EXTL3: variants seen among roughly 807,000 people sequenced by gnomAD.
The protein encoded by EXTL3 is exostosin like glycosyltransferase 3, also known as exostosin-like 3.
EXTL3 carries 27 observed loss-of-function variants against 69.3 expected under a neutral mutation model. The ratio of observed to expected loss-of-function variants is 0.39; its 90% CI spans 0.29 to 0.54. EXTL3 has a LOEUF of 0.54. Ranked by LOEUF, EXTL3 falls within the 20% of genes least tolerant of loss-of-function variation. The probability of loss-of-function intolerance (pLI) is 0.69; values close to 1 mark genes in which losing one functional copy is unlikely to be tolerated. For synonymous variants in EXTL3, 511 were observed against 499.4 expected (o/e 1.02, Z -0.31); for missense variants, 1,003 against 1,231.8 (o/e 0.81, Z 2.78).
chr8:28,725,735 T>C (rs1348268791), intron 3 of EXTL3, among the ~76,000 whole-genome samples: 7 of 152,206 alleles, frequency 4.6e-5, no homozygotes, highest in Non-Finnish European at 8.8e-5. Flanking sequence ...TCATAAGGCA[T>C]CTAATAGCAA....
rs575065620 is a variant in EXTL3, at chr8:28,679,834, A to G, written c.-52-33623A>G. Among the ~76,000 whole-genome samples, 14 of 152,310 alleles carry G rather than the reference A, an allele frequency of 9.2e-5. No homozygotes were observed. In the East Asian group the frequency reaches 2.3e-3, roughly 25 times the overall value. ...TGCCAGGAAAATAATACTGCCCTGA[A>G]TTAGGATACTTGTCTCACTATTCAA... On this transcript the variant is annotated intron_variant, in intron 1 of 6. Transcript: ENST00000523149.
chr8:28,726,705 A>G (rs751469107), intron 3 of EXTL3, among the ~76,000 whole-genome samples: 2 of 151,942 alleles, frequency 1.3e-5, no homozygotes, highest in Non-Finnish European at 2.9e-5. Flanking sequence ...GTGACAACCA[A>G]AAATCCCTTC....
chr8:28,639,670 C>T (rs1245947365), intron 1 of EXTL3, among the ~76,000 whole-genome samples: 2 of 152,218 alleles, frequency 1.3e-5, no homozygotes, highest in Non-Finnish European at 2.9e-5. Context: ...TGAGTCCCTC[C>T]TGACAGCTGC....
intron 1 of EXTL3, among the ~76,000 whole-genome samples, chr8:28,631,167 A>G (rs1328271967): frequency 1.3e-5 from 2 of 149,150 alleles, no homozygotes. Flanking sequence ...CTGGAGCTAA[A>G]TCAAGGAAGG....
chr8:28,728,281 C>T (rs1801456123), intron 3 of EXTL3, among the ~76,000 whole-genome samples: 1 of 152,366 alleles, frequency 6.6e-6, no homozygotes, highest in East Asian at 1.9e-4. Context: ...TTGCCACCCT[C>T]CCGCCCTTTG....
chr8:28,713,773 ATAT>A (rs1801079007), intron 2 of EXTL3, among the ~76,000 whole-genome samples: 2 of 152,152 alleles, frequency 1.3e-5, no homozygotes, highest in South Asian at 2.1e-4. Context: ...CCTTTTAGTA[ATAT>A]TATCATCAAC....
upstream of EXTL3, among the ~76,000 whole-genome samples, chr8:28,619,328 C>T (rs1439789153): frequency 7.7e-6 from 1 of 129,974 alleles, no homozygotes; most frequent in Admixed American, 8.3e-5. Flanking sequence ...CTGTGTGAGC[C>T]CTGGACGCTC....
intron 1 of EXTL3, among the ~76,000 whole-genome samples, chr8:28,663,001 G>A (rs73232994): frequency 3.9e-5 from 6 of 152,084 alleles, no homozygotes; most frequent in East Asian, 1.9e-4. Flanking sequence ...TTGTATTACC[G>A]TACTATCAGT....
intron 6 of EXTL3, among the ~76,000 whole-genome samples, chr8:28,749,501 T>C (rs1261669480): frequency 6.6e-6 from 1 of 152,206 alleles, no homozygotes; most frequent in Non-Finnish European, 1.5e-5. Flanking sequence ...CTCCCCTCCA[T>C]GGAGCCAGTG....
In EXTL3 at chr8:28,716,571, C is replaced by G. The variant is rs749286787; in HGVS notation, c.512C>G (p.Pro171Arg). 6.2e-7 allele frequency: 1 copy of G among 1,614,096 alleles called. No individual in the cohort carries two copies. The highest frequency in any genetic ancestry group is 8.5e-7 in the Non-Finnish European group (1 of 1,180,040). Residue 171 changes from proline to arginine, a missense_variant, in exon 3 of 7, where the codon CCG becomes CGG. Transcript: ENST00000220562. The surrounding 1 kb of genome is among the most constrained non-coding windows in gnomAD (Gnocchi z 7.1). Reference sequence around the variant, plus strand: ...AAGGACGATGCCGGCCTCCCTCCCCCGAAGGCCACTCGGGGCTGCCGGCTA... The same window carrying G: ...AAGGACGATGCCGGCCTCCCTCCCCGGAAGGCCACTCGGGGCTGCCGGCTA... Reference protein sequence around the residue: ...PEKDDAGLPPPKATRGCRLHN... With the variant: ...PEKDDAGLPPRKATRGCRLHN...
At chr8:28,722,629 T>C (rs542672185) in intron 3 of EXTL3, among the ~76,000 whole-genome samples, 67 of 151,578 alleles carry the variant, frequency 4.4e-4, no homozygotes, top group African/African-American at 1.4e-3. Flanking sequence ...ATAGAAAAAA[T>C]TAGCCAGGCA....
At chr8:28,635,624 T>C (rs917226185) in intron 1 of EXTL3, among the ~76,000 whole-genome samples, 1 of 148,684 alleles carries the variant, frequency 6.7e-6, no homozygotes, top group Admixed American at 6.7e-5. Flanking sequence ...GGCAGGAGAA[T>C]GGTGTGAACC....
chr8:28,613,898 C>A (rs532043459), intron 2 of EXTL3, among the ~76,000 whole-genome samples: 2 of 151,598 alleles, frequency 1.3e-5, no homozygotes, highest in East Asian at 1.9e-4. Flanking sequence ...TAGCTCACTG[C>A]GGCCTTGACC....
intron 1 of EXTL3, among the ~76,000 whole-genome samples, chr8:28,669,347 C>A (rs893214279): frequency 6.6e-6 from 1 of 152,234 alleles, no homozygotes; most frequent in Non-Finnish European, 1.5e-5. Context: ...CAGCAGTTAC[C>A]TACATCAGTA....
At chr8:28,723,473 A>G (rs1236795500) in intron 3 of EXTL3, among the ~76,000 whole-genome samples, 1 of 152,212 alleles carries the variant, frequency 6.6e-6, no homozygotes, top group East Asian at 1.9e-4. Context: ...GTCATGTTGC[A>G]TAATTTACTA....
chr8:28,664,233 A>G (rs899397927), intron 1 of EXTL3, among the ~76,000 whole-genome samples: 1 of 152,128 alleles, frequency 6.6e-6, no homozygotes, highest in Non-Finnish European at 1.5e-5. Flanking sequence ...TGGAGGATGG[A>G]AGTCTGGGAT....
upstream of EXTL3, chr8:28,698,358 G>A (rs1407376896): frequency 6.6e-6 from 1 of 152,212 alleles, no homozygotes; most frequent in Non-Finnish European, 1.5e-5. Flanking sequence ...ATAGCCAGAT[G>A]AGCACACGAG....
chr8:28,681,640 A>G (rs1463656793), intron 1 of EXTL3, among the ~76,000 whole-genome samples: 1 of 152,190 alleles, frequency 6.6e-6, no homozygotes, highest in Non-Finnish European at 1.5e-5. Flanking sequence ...TGCTGATTTC[A>G]TTTCCTTTGG....
At chr8:28,742,262 G>A (rs1252538655) in intron 5 of EXTL3, 1 of 152,160 alleles carries the variant, frequency 6.6e-6, no homozygotes, top group Non-Finnish European at 1.5e-5. Flanking sequence ...TGAAGTTTAT[G>A]TAATTACATC....
Sources: allele counts gnomAD v4.1 joint callset (sites outside exome capture counted in the v4.1 genomes callset), GRCh38; gene constraint gnomAD v4.1.1; non-coding constraint Gnocchi (gnomAD v3.1); transcripts MANE v1.5; gene names NCBI Gene and HGNC (gene_info 2026-07-23, HGNC 2026-07-21).